The following GCDH variants were observed in gnomAD, a reference collection of about 807,000 sequenced individuals.
GCDH encodes the protein glutaryl-CoA dehydrogenase.
Under a neutral mutation model 52.8 loss-of-function variants are expected in GCDH, and 31 were observed. The ratio of observed to expected loss-of-function variants is 0.59; its 90% CI spans 0.44 to 0.79. The LOEUF is 0.79. Ranked by LOEUF, GCDH falls within the 30% of genes least tolerant of loss-of-function variation. The probability of loss-of-function intolerance (pLI) is 0.00; values close to 1 mark genes in which losing one functional copy is unlikely to be tolerated. For synonymous variants in GCDH, 242 were observed against 250.0 expected (o/e 0.97, Z 0.30); for missense variants, 509 against 595.0 (o/e 0.86, Z 1.50).
rs777665473 is a variant in GCDH, at chr19:12,896,418, G to C, written c.849G>C (p.Leu283=). Residue 283 remains leucine, a synonymous_variant, in exon 8 of 12, where the codon CTG becomes CTC. Transcript: ENST00000222214. This position sits in a 1 kb window ranked among gnomAD's most constrained non-coding sequence, Gnocchi z 5.5. ...EENVLPGASS[L]GGPFGCLNNA... ...ATGTGCTCCCTGGTGCATCCAGCCT[G>C]GGGGTAAGTGGCAGCCACTTTGGGA... 6.2e-6 allele frequency: 10 copies of C among 1,611,552 alleles called. No homozygotes were observed. In the Admixed American group the frequency reaches 1.7e-4, roughly 27 times the overall value.
At position 12,892,174 on chromosome 19, in the gene GCDH, C is replaced by A. The variant is rs745618765; in HGVS notation, c.330C>A (p.Ile110=). 1.2e-6 allele frequency: 2 copies of A among 1,613,540 alleles called. No homozygotes were observed. The highest frequency in any genetic ancestry group is 1.7e-6 in the Non-Finnish European group (2 of 1,179,456). The part of the protein sequence containing the change: ...MGELGVLGPT[I]KGYGCAGVSS... The stretch of plus-strand genomic sequence containing the variant: ...AGTTGGGTGTGCTGGGCCCCACCAT[C>A]AAAGGTAGGAACAAGTATCTCTCCA... The change falls in exon 5 of 12, where the codon ATC becomes ATA. Residue 110 remains isoleucine, a synonymous_variant. Coordinates refer to ENST00000222214, the MANE Select transcript of GCDH (RefSeq NM_000159.4).
Position 12,899,801 on chromosome 19 carries a change from G to A in GCDH, c.*260G>A, listed in dbSNP as rs1970793599. On this transcript the variant is annotated 3_prime_UTR_variant, in exon 12 of 12. Transcript: ENST00000222214. ...AGCAGACTCCATTTACCCTGAAATA[G>A]CAGCTTCTCTTGAGAGGAGAGTGAC... The A allele has an allele frequency of 1.3e-6, 2 of 1,586,782 alleles. No individual in the cohort carries two copies. Among genetic ancestry groups the A allele is most frequent in the East Asian group, 4.5e-5 (2 of 44,690 alleles).
intron 6 of GCDH, among the ~76,000 whole-genome samples, chr19:12,895,540 T>C (rs1207621609): frequency 6.6e-6 from 1 of 150,688 alleles, no homozygotes; most frequent in African/African-American, 2.4e-5. Flanking sequence ...AGATTACATG[T>C]GTGAGCCACC....
chr19:12,897,285 C>G lies in GCDH; in HGVS notation c.957-18C>G. On this transcript the variant is annotated intron_variant, in intron 9 of 11. Transcript: ENST00000222214. The stretch of plus-strand genomic sequence containing the variant: ...GAGTGGGCCTCCCCTCGCTCTTACC[C>G]TGCCATTGCCCATGTAGGATGCAGT... 1.9e-6 allele frequency: 3 copies of G among 1,613,538 alleles called. No individual in the cohort carries two copies. Among genetic ancestry groups the G allele is most frequent in the Non-Finnish European group, 2.5e-6 (3 of 1,179,972 alleles).
rs1970795135 is a variant in GCDH, at chr19:12,899,854, G to C, written c.*313G>C. 6.3e-7 allele frequency: 1 copy of C among 1,579,138 alleles called. No homozygotes were observed. Among genetic ancestry groups the C allele is most frequent in the Admixed American group, 1.7e-5 (1 of 59,184 alleles). ...GGAAGCAACTCCGTCTGCTGCAGCT[G>C]ACCCCCTCACACTGAGTTCACAGTG... On this transcript the variant is annotated 3_prime_UTR_variant, in exon 12 of 12. Coordinates refer to ENST00000222214, the MANE Select transcript of GCDH (RefSeq NM_000159.4).
chr19:12,894,913 CAA>C (rs35759366), intron 6 of GCDH: 1,038 of 174,548 alleles, frequency 5.9e-3, no homozygotes, highest in South Asian at 0.015. Flanking sequence ...ATCAGATTCG[CAA>C]AAAAAAAAAA....
At chr19:12,891,455 T>G (rs1012645652) in intron 2 of GCDH, 32 bp from the exon 3 acceptor site, 3 of 1,614,164 alleles carry the variant, frequency 1.9e-6, no homozygotes, top group Non-Finnish European at 2.5e-6. Context: ...TTAGGGACTT[T>G]CCGGGGTGAC....
rs751583656 is a variant in GCDH at position 12,896,339 on chromosome 19, G to A, written c.770G>A (p.Arg257Gln). The A allele has an allele frequency of 6.2e-6, 10 of 1,613,996 alleles. No individual in the cohort carries two copies. Among genetic ancestry groups the A allele is most frequent in the African/African-American group, 2.7e-5 (2 of 74,904 alleles). ...APRIQGKFSL[R>Q]ASATGMIIMD... ...AGGATCCAGGGCAAGTTCTCGCTGC[G>A]GGCCTCAGCCACAGGCATGATCATC... Residue 257 changes from arginine (R) to glutamine (Q), a missense_variant, in exon 8 of 12, where the codon CGG becomes CAG. By Grantham distance (43) the Arg-to-Gln change is conservative. Coordinates refer to ENST00000222214, the MANE Select transcript of GCDH (RefSeq NM_000159.4). The surrounding 1 kb of genome is among the most constrained non-coding windows in gnomAD (Gnocchi z 5.5).
chr19:12,897,639 G>T (rs1194391810), intron 10 of GCDH, 64 bp from the exon 11 acceptor site: 1 of 1,596,748 alleles, frequency 6.3e-7, no homozygotes, highest in African/African-American at 1.3e-5. Flanking sequence ...CCCGGGCTAG[G>T]TTTGCTTGGA....
In GCDH at chr19:12,899,924, G is replaced by T; in HGVS notation, c.*383G>T. 2 of 1,611,086 alleles carry T rather than the reference G, an allele frequency of 1.2e-6. No individual in the cohort carries two copies. On this transcript the variant is annotated 3_prime_UTR_variant, in exon 12 of 12. Coordinates refer to ENST00000222214, the MANE Select transcript of GCDH (RefSeq NM_000159.4). The stretch of plus-strand genomic sequence containing the variant: ...CTGGGGGTAGTGCCTTATGCTGGGT[G>T]TTGGAGCAGAGTGAGGGAGAGGAAA...
rs1377653356 is a variant in GCDH, at chr19:12,893,667, C to T, written c.505+14C>T. 1.9e-6 allele frequency: 3 copies of T among 1,610,212 alleles called. No homozygotes were observed. Among genetic ancestry groups the T allele is most frequent in the African/African-American group, 2.7e-5 (2 of 74,830 alleles). ...TGCCCCAGCTGGGTGAGTGGCTGCC[C>T]ATGGGGCCTGGTGGAAGGAAGACAG... On this transcript the variant is annotated intron_variant, in intron 6 of 11. Transcript: ENST00000222214.
At position 12,896,140 on chromosome 19, in the gene GCDH, G is replaced by A. The variant is rs562556977; in HGVS notation, c.635+19G>A. 20 of 1,614,122 alleles carry A rather than the reference G, an allele frequency of 1.2e-5. 1 individual carries two copies. In the South Asian group the frequency reaches 1.5e-4, roughly 12 times the overall value. On this transcript the variant is annotated intron_variant, in intron 7 of 11. Coordinates refer to ENST00000222214, the MANE Select transcript of GCDH (RefSeq NM_000159.4). This position sits in a 1 kb window ranked among gnomAD's most constrained non-coding sequence, Gnocchi z 5.5. ...AGACCTGGTAAGGGTTCTGGGTGGT[G>A]GGCAGGTGGTGAACAGGGGCAAAGG...
At position 12,891,186 on chromosome 19, in the gene GCDH, C is replaced by G. The variant is rs538633320; in HGVS notation, c.-51C>G. Reference sequence around the variant, plus strand: ...GTTGCACTGTAGCCTCGGCAGTGAACCGGGAGGTACTACCAGGTAAGGAAG... The same window carrying G: ...GTTGCACTGTAGCCTCGGCAGTGAAGCGGGAGGTACTACCAGGTAAGGAAG... On this transcript the variant is annotated 5_prime_UTR_variant, in exon 1 of 12. Coordinates refer to ENST00000222214, the MANE Select transcript of GCDH (RefSeq NM_000159.4). 17 of 763,112 alleles carry G rather than the reference C, an allele frequency of 2.2e-5. No homozygotes were observed. The highest frequency in any genetic ancestry group is 3.6e-5 in the Non-Finnish European group (16 of 442,890). The allele number at this position is 763,112 out of a possible 1,614,324, so 47.3% of individuals were successfully genotyped here. A position where few individuals can be genotyped will look rare whatever the true frequency, so the allele number is the denominator to read the frequency against.
rs1970559742 is a variant in GCDH, at chr19:12,891,673, T to C, written c.127+151T>C. The C allele has an allele frequency of 1.9e-6, 3 of 1,603,578 alleles. No individual in the cohort carries two copies. The East Asian group carries it at 6.7e-5, about 36-fold the overall frequency. On this transcript the variant is annotated intron_variant, in intron 3 of 11. Coordinates refer to ENST00000222214, the MANE Select transcript of GCDH (RefSeq NM_000159.4). The stretch of plus-strand genomic sequence containing the variant: ...AGGCACTAAGGCAGTGAGTGCGCTG[T>C]GCCTGCGGGGCCGGAGAAAAGTCAC...
chr19:12,892,459 T>C, intron 5 of GCDH: 1 of 517,156 alleles, frequency 1.9e-6, no homozygotes, highest in South Asian at 2.1e-5. Flanking sequence ...GCCTGGCTAA[T>C]TTTTGTATTT....
At chr19:12,893,417 T>C (rs1970600974) in intron 5 of GCDH, 66 bp from the exon 6 acceptor site, 3 of 1,406,518 alleles carry the variant, frequency 2.1e-6, no homozygotes, top group Non-Finnish European at 3.0e-6. Context: ...CAGCCCTGTC[T>C]CTTGGGTCTT....
In GCDH at chr19:12,893,521, C is replaced by T; in HGVS notation, c.373C>T (p.Leu125Phe). The T allele has an allele frequency of 6.2e-7, 1 of 1,614,104 alleles. No individual in the cohort carries two copies. Among genetic ancestry groups the T allele is most frequent in the Non-Finnish European group, 8.5e-7 (1 of 1,179,964 alleles). ...CAGVSSVAYG[L>F]LARELERVDS... is the part of the protein sequence containing the mutation. ...TGGGGTTTCGTCTGTGGCCTATGGGCTCCTGGCCCGAGAGCTGGAGCGGGT... is the reference window on the plus strand; with the variant it reads ...TGGGGTTTCGTCTGTGGCCTATGGGTTCCTGGCCCGAGAGCTGGAGCGGGT... Residue 125 changes from leucine to phenylalanine, a missense_variant, in exon 6 of 12, where the codon CTC becomes TTC. Physicochemically the swap from Leu to Phe is conservative, Grantham distance 22. Transcript: ENST00000222214.
chr19:12,891,702 A>G (rs924929359), intron 3 of GCDH, 129 bp from the exon 4 acceptor site: 1 of 1,600,562 alleles, frequency 6.2e-7, no homozygotes, highest in Non-Finnish European at 8.5e-7. Context: ...AAGTCACCTG[A>G]TCAGTCTCGC....
At chr19:12,899,033 G>C (rs982302178) in intron 11 of GCDH, 7 of 427,334 alleles carry the variant, frequency 1.6e-5, no homozygotes, top group Non-Finnish European at 2.6e-5. Flanking sequence ...TGTTTCCTTG[G>C]AGCTCAGGGG....
Sources: gnomAD v4.1 joint callset for allele counts (sites outside exome capture counted in the v4.1 genomes callset) on GRCh38, gnomAD v4.1.1 for gene constraint, Gnocchi (gnomAD v3.1) non-coding constraint, MANE v1.5 for transcripts, NCBI Gene and HGNC (gene_info 2026-07-23, HGNC 2026-07-21) for gene names.